JHY: variants seen among roughly 807,000 people sequenced by gnomAD.
JHY encodes the protein junctional cadherin complex regulator.
A neutral mutation model predicts 78.0 loss-of-function variants in JHY; 69 were observed. The observed-to-expected ratio is 0.88, with a 90% CI of 0.73 to 1.08. The LOEUF (loss-of-function observed/expected upper bound fraction) is 1.08, where lower values mean the gene tolerates loss of function less well. JHY is among the 50% of genes least tolerant of loss of function. The pLI, the probability that JHY is intolerant of heterozygous loss-of-function variation, is 0.00. For missense variants in JHY, 944 were observed against 927.8 expected (o/e 1.02, Z -0.23); for synonymous variants, 368 against 342.6 (o/e 1.07, Z -0.82).
chr11:122,925,824 C>T (rs949913188), intron 4 of JHY, among the ~76,000 whole-genome samples: 2 of 151,670 alleles, frequency 1.3e-5, no homozygotes, highest in South Asian at 4.2e-4. Context: ...GAGACCAGCC[C>T]GGCCAATATG....
At chr11:122,891,035 C>G (rs1005916620) in intron 2 of JHY, among the ~76,000 whole-genome samples, 27 of 152,136 alleles carry the variant, frequency 1.8e-4, no homozygotes, top group African/African-American at 5.8e-4. Flanking sequence ...TAGGCACACT[C>G]TTGCTGGGAT....
chr11:122,942,490 C>G (rs910577028), intron 5 of JHY, among the ~76,000 whole-genome samples: 1 of 152,066 alleles, frequency 6.6e-6, no homozygotes, highest in Non-Finnish European at 1.5e-5. Flanking sequence ...TTGGCATGAT[C>G]TTGGCTCACT....
chr11:122,908,396 T>C (rs909391755), intron 3 of JHY, among the ~76,000 whole-genome samples: 1 of 152,232 alleles, frequency 6.6e-6, no homozygotes, highest in Non-Finnish European at 1.5e-5. Context: ...AAAGTGCTTA[T>C]GAACCACTTT....
intron 5 of JHY, among the ~76,000 whole-genome samples, chr11:122,938,462 T>A (rs1247266363): frequency 6.6e-6 from 1 of 152,178 alleles, no homozygotes; most frequent in Non-Finnish European, 1.5e-5. Context: ...AGCCTCATGT[T>A]TTTGTTCATG....
Position 122,886,075 on chromosome 11 carries a change from G to C in JHY, c.226G>C (p.Glu76Gln). 1 of 1,614,138 alleles carries C rather than the reference G, an allele frequency of 6.2e-7. No individual in the cohort carries two copies. The highest frequency in any genetic ancestry group is 8.5e-7 in the Non-Finnish European group (1 of 1,180,034). Residue 76 changes from glutamate (E) to glutamine (Q), a missense_variant, in exon 2 of 9, where the codon GAG becomes CAG. Glu to Gln is a conservative substitution (Grantham distance 29, BLOSUM62 2). Transcript: ENST00000227349. ...GNGMEPDSLD[E>Q]EESPRWGSLH... ...CGGTATGGAGCCCGACAGCTTAGAC[G>C]AGGAGGAAAGCCCTCGATGGGGAAG...
chr11:122,962,390 AAAGCAG>A lies in JHY; in HGVS notation c.*2946_*2951del, dbSNP rs1362494712. Among the ~76,000 whole-genome samples the A allele has an allele frequency of 6.6e-6, 1 of 152,218 alleles. No individual in the cohort carries two copies. The highest frequency in any genetic ancestry group is 1.5e-5 in the Non-Finnish European group (1 of 68,030). On this transcript the variant is annotated 3_prime_UTR_variant, in exon 9 of 9. Coordinates refer to ENST00000227349, the MANE Select transcript of JHY (RefSeq NM_024806.4). The stretch of plus-strand genomic sequence containing the variant: ...TGTATGAAACCTTCTCTTAAAACTG[AAAGCAG>A]TTAGAATTGAGAGTCTGCAAAGATA...
At chr11:122,906,759 A>T (rs1394928806) in intron 3 of JHY, among the ~76,000 whole-genome samples, 1 of 152,152 alleles carries the variant, frequency 6.6e-6, no homozygotes, top group Non-Finnish European at 1.5e-5. Flanking sequence ...AAACAATTTT[A>T]GGGTGTATTG....
chr11:122,887,644 G>T, intron 2 of JHY, among the ~76,000 whole-genome samples: 1 of 151,560 alleles, frequency 6.6e-6, no homozygotes. Flanking sequence ...TTTAATTCAG[G>T]CTGAAATATA....
At chr11:122,941,356 C>T (rs1215961512) in intron 5 of JHY, among the ~76,000 whole-genome samples, 1 of 152,202 alleles carries the variant, frequency 6.6e-6, no homozygotes, top group Non-Finnish European at 1.5e-5. Context: ...TGGGTTCTTC[C>T]TCATGCTTCT....
chr11:122,889,049 C>T (rs1243616075), intron 2 of JHY, among the ~76,000 whole-genome samples: 2 of 152,108 alleles, frequency 1.3e-5, no homozygotes, highest in African/African-American at 2.4e-5. Flanking sequence ...GGTTCATGGG[C>T]GACTGGACAT....
chr11:122,920,126 C>G (rs1026361616), intron 3 of JHY, among the ~76,000 whole-genome samples: 4 of 152,154 alleles, frequency 2.6e-5, no homozygotes, highest in African/African-American at 9.7e-5. Context: ...CTGGCGTGAG[C>G]AGGTGTGAAT....
chr11:122,890,849 AGTCATT>A (rs1862600117), intron 2 of JHY, among the ~76,000 whole-genome samples: 1 of 152,204 alleles, frequency 6.6e-6, no homozygotes, highest in Admixed American at 6.5e-5. Context: ...TTATAGCCCT[AGTCATT>A]GTTTGGCTAT....
intron 8 of JHY, chr11:122,958,656 A>G (rs1486138318): frequency 1.1e-6 from 1 of 877,570 alleles, no homozygotes; most frequent in Non-Finnish European, 1.4e-6. Context: ...TTTAGGAATC[A>G]TATTTAGTGA....
chr11:122,955,147 ATCTC>A (rs1301577347), intron 6 of JHY, among the ~76,000 whole-genome samples: 36 of 152,130 alleles, frequency 2.4e-4, no homozygotes, highest in African/African-American at 8.4e-4. Flanking sequence ...TTTAAATAGA[ATCTC>A]TCTCTGTCAC....
chr11:122,938,022 GTTGTTTT>G (rs1196053464), intron 5 of JHY, among the ~76,000 whole-genome samples: 4 of 151,574 alleles, frequency 2.6e-5, no homozygotes, highest in Admixed American at 6.6e-5. Flanking sequence ...TTTTTTTGTT[GTTGTTTT>G]TTGTTTTTTG....
At chr11:122,903,334 A>C (rs1254216303) in intron 2 of JHY, among the ~76,000 whole-genome samples, 1 of 152,218 alleles carries the variant, frequency 6.6e-6, no homozygotes, top group Non-Finnish European at 1.5e-5. Context: ...TCTGTTTTTC[A>C]GTTGTCTTCT....
At chr11:122,923,194 C>A (rs185542544) in intron 3 of JHY, among the ~76,000 whole-genome samples, 1 of 152,236 alleles carries the variant, frequency 6.6e-6, no homozygotes, top group Non-Finnish European at 1.5e-5. Context: ...CTGTGTTATT[C>A]CAGAGGGCAG....
rs538817699 is a variant in JHY, at chr11:122,960,095, G to T, written c.*650G>T. Among the ~76,000 whole-genome samples, 1 of 152,046 alleles carries T rather than the reference G, an allele frequency of 6.6e-6. No homozygotes were observed. Among genetic ancestry groups the T allele is most frequent in the African/African-American group, 2.4e-5 (1 of 41,398 alleles). On this transcript the variant is annotated 3_prime_UTR_variant, in exon 9 of 9. Transcript: ENST00000227349. ...CTAAAAATACAAAAATTAGCTAGGC[G>T]TGGTGGCGCATGTCTATAGTTCCAG...
chr11:122,906,838 A>G (rs1433732779), intron 3 of JHY, among the ~76,000 whole-genome samples: 2 of 152,132 alleles, frequency 1.3e-5, no homozygotes, highest in Admixed American at 6.6e-5. Flanking sequence ...TTAAGCTCTT[A>G]TATTACTCTC....
Sources: allele counts gnomAD v4.1 joint callset (sites outside exome capture counted in the v4.1 genomes callset), GRCh38; gene constraint gnomAD v4.1.1; transcripts MANE v1.5; gene names NCBI Gene and HGNC (gene_info 2026-07-23, HGNC 2026-07-21).